The following WWOX variants were observed in gnomAD, a reference collection of about 807,000 sequenced individuals.
WWOX encodes WW domain-containing oxidoreductase.
In WWOX, 69 loss-of-function variants were observed where a neutral mutation model predicts 46.2. The observed-to-expected ratio is 1.49, with a 90% CI of 1.23 to 1.82. The LOEUF is 1.82. Ranked by LOEUF, WWOX falls within the 40% of genes most tolerant of loss-of-function variation. The probability of loss-of-function intolerance (pLI) is 0.00; values close to 1 mark genes in which losing one functional copy is unlikely to be tolerated. For synonymous variants in WWOX, 359 were observed against 202.6 expected (o/e 1.77, Z -6.56); for missense variants, 919 against 542.6 (o/e 1.69, Z -6.89).
chr16:78,693,591 G>C lies in WWOX; in HGVS notation c.1056+260839G>C, dbSNP rs191165458. On this transcript the variant is annotated intron_variant, in intron 8 of 8. Coordinates refer to ENST00000566780, the MANE Select transcript of WWOX (RefSeq NM_016373.4). The stretch of plus-strand genomic sequence containing the variant: ...AGGTGGGGGGCCCTCCTCTAGGGCA[G>C]TGGAGACAATGTCACCTGTCGGGAA... Among the ~76,000 whole-genome samples the C allele has an allele frequency of 4.1e-3, 628 of 152,320 alleles. 2 individuals are homozygous for C. The highest frequency in any genetic ancestry group is 0.014 in the African/African-American group (599 of 41,566).
intron 8 of WWOX, among the ~76,000 whole-genome samples, chr16:78,662,742 G>T (rs550847986): frequency 6.6e-6 from 1 of 152,166 alleles, no homozygotes; most frequent in Admixed American, 6.5e-5. Context: ...GCTGGATTCG[G>T]GAAGGATCCA....
chr16:78,189,134 G>C (rs1231148562), intron 5 of WWOX, among the ~76,000 whole-genome samples: 1 of 152,176 alleles, frequency 6.6e-6, no homozygotes, highest in African/African-American at 2.4e-5. Context: ...CATGGGTTCA[G>C]GTCTGAGCCA....
intron 5 of WWOX, among the ~76,000 whole-genome samples, chr16:78,316,061 C>T (rs1172621962): frequency 2.0e-5 from 3 of 151,894 alleles, no homozygotes; most frequent in African/African-American, 7.3e-5. Flanking sequence ...GCCTGGCCCA[C>T]ATGGTGAAAC....
intron 5 of WWOX, chr16:78,237,628 G>T (rs939432364): frequency 1.3e-5 from 2 of 152,142 alleles, no homozygotes; most frequent in East Asian, 3.8e-4. Context: ...AATACAGCCG[G>T]TACCTCTTTG....
chr16:78,287,437 C>G (rs1356845537), intron 5 of WWOX, among the ~76,000 whole-genome samples: 1 of 152,110 alleles, frequency 6.6e-6, no homozygotes, highest in Admixed American at 6.5e-5. Context: ...CAAAAAATAT[C>G]TATAATTTTG....
intron 8 of WWOX, among the ~76,000 whole-genome samples, chr16:78,683,644 C>T (rs566358271): frequency 1.3e-5 from 2 of 152,256 alleles, no homozygotes; most frequent in Non-Finnish European, 2.9e-5. Context: ...TCACGTGATC[C>T]TCCTGCCTCG....
chr16:78,858,788 C>A (rs2052631999), intron 8 of WWOX, among the ~76,000 whole-genome samples: 1 of 151,546 alleles, frequency 6.6e-6, no homozygotes, highest in African/African-American at 2.4e-5. Flanking sequence ...AAGTGATTCT[C>A]CCATCTCAGC....
chr16:78,723,557 C>CTTTTCTTTTCTTTTCTTTTCTTTTCTT (rs2048744447), intron 8 of WWOX, among the ~76,000 whole-genome samples: 1 of 12,726 alleles, frequency 7.9e-5, no homozygotes, highest in South Asian at 2.5e-3. Flanking sequence ...TCCCAGCCTT[C>CTTTTCTTTTCTTTTCTTTTCTTTTCTT]TTTTCTTTTC....
At chr16:79,145,955 T>C (rs1038342783) in intron 8 of WWOX, among the ~76,000 whole-genome samples, 2 of 152,208 alleles carry the variant, frequency 1.3e-5, no homozygotes, top group African/African-American at 4.8e-5. Flanking sequence ...TAAAATGATA[T>C]AATTTTACCA....
intron 6 of WWOX, among the ~76,000 whole-genome samples, chr16:78,424,536 T>G (rs2083030534): frequency 6.6e-6 from 1 of 152,226 alleles, no homozygotes; most frequent in African/African-American, 2.4e-5. Flanking sequence ...ATTAATCAGG[T>G]GGTTGAACCT....
At chr16:78,826,395 C>G (rs2051658001) in intron 8 of WWOX, among the ~76,000 whole-genome samples, 1 of 152,200 alleles carries the variant, frequency 6.6e-6, no homozygotes, top group Non-Finnish European at 1.5e-5. Flanking sequence ...GGAGGCCAGA[C>G]ATTCAGAATC....
rs142335846 is a variant in WWOX at position 78,434,628 on chromosome 16, G to T, written c.1056+1876G>T. 5.5e-4 allele frequency among the ~76,000 whole-genome samples: 83 copies of T among 152,244 alleles called. No individual in the cohort carries two copies. In the Middle Eastern group the frequency reaches 0.01, roughly 19 times the overall value. Reference sequence around the variant, plus strand: ...CTTTGGGTCTTGAGTCATCTCACTTGTATTTGATCATTGATGTGTTTTAAG... The same window carrying T: ...CTTTGGGTCTTGAGTCATCTCACTTTTATTTGATCATTGATGTGTTTTAAG... On this transcript the variant is annotated intron_variant, in intron 8 of 8. Coordinates refer to ENST00000566780, the MANE Select transcript of WWOX (RefSeq NM_016373.4).
At chr16:78,658,586 C>T (rs2047134524) in intron 8 of WWOX, among the ~76,000 whole-genome samples, 2 of 152,196 alleles carry the variant, frequency 1.3e-5, no homozygotes, top group Admixed American at 6.5e-5. Flanking sequence ...CCTCCAGCCT[C>T]TGGTGGCTGC....
intron 8 of WWOX, among the ~76,000 whole-genome samples, chr16:78,530,118 T>C (rs2043585208): frequency 6.6e-6 from 1 of 152,160 alleles, no homozygotes; most frequent in African/African-American, 2.4e-5. Context: ...GGGTAAATGC[T>C]TTTGGGCACT....
At chr16:78,974,264 C>T (rs1210596334) in intron 8 of WWOX, among the ~76,000 whole-genome samples, 1 of 152,194 alleles carries the variant, frequency 6.6e-6, no homozygotes, top group Non-Finnish European at 1.5e-5. Context: ...TCTCTAATGA[C>T]CGCACAGCAC....
At chr16:78,325,640 C>T (rs931849822) in intron 5 of WWOX, among the ~76,000 whole-genome samples, 2 of 152,204 alleles carry the variant, frequency 1.3e-5, no homozygotes, top group African/African-American at 2.4e-5. Context: ...ACCCGGCCTT[C>T]TCCGTTTGGC....
At chr16:78,369,626 T>A (rs1228900151) in intron 5 of WWOX, among the ~76,000 whole-genome samples, 1 of 151,694 alleles carries the variant, frequency 6.6e-6, no homozygotes, top group Non-Finnish European at 1.5e-5. Flanking sequence ...GAGGCAAACA[T>A]TTTCATTACA....
At chr16:78,674,800 C>G (rs190423230) in intron 8 of WWOX, among the ~76,000 whole-genome samples, 2 of 150,788 alleles carry the variant, frequency 1.3e-5, no homozygotes, top group African/African-American at 4.9e-5. Flanking sequence ...TATTTTTAAA[C>G]AATTACTGTA....
At chr16:78,335,485 C>A (rs564761739) in intron 5 of WWOX, among the ~76,000 whole-genome samples, 22 of 152,242 alleles carry the variant, frequency 1.4e-4, no homozygotes, top group Middle Eastern at 3.4e-3. Context: ...ATATAATATT[C>A]CATGGTATAT....
Sources: gnomAD v4.1 joint callset for allele counts (sites outside exome capture counted in the v4.1 genomes callset) on GRCh38, gnomAD v4.1.1 for gene constraint, MANE v1.5 for transcripts, NCBI Gene and HGNC (gene_info 2026-07-23, HGNC 2026-07-21) for gene names.